The following LGSN variants were observed in gnomAD, a reference collection of about 807,000 sequenced individuals.
LGSN encodes the protein lengsin.
Under a neutral mutation model 19.5 loss-of-function variants are expected in LGSN, and 21 were observed. The ratio of observed to expected loss-of-function variants is 1.07; its 90% confidence interval spans 0.76 to 1.55. The LOEUF (loss-of-function observed/expected upper bound fraction) is 1.55. LGSN is among the 40% of genes most tolerant of loss of function. LGSN has a pLI of 0.00. For missense variants in LGSN, 673 were observed against 608.5 expected, an observed-to-expected ratio of 1.11 and a Z score of -1.12; for synonymous variants, 257 against 215.6, an observed-to-expected ratio of 1.19 and a Z score of -1.68.
the LGSN span, among the ~76,000 whole-genome samples, chr6:63,561,160 GA>G: frequency 6.6e-6 from 1 of 152,182 alleles, no homozygotes; most frequent in Non-Finnish European, 1.5e-5. Flanking sequence ...CAGCCTAACA[GA>G]GTGATGGAAG....
chr6:63,463,452 A>G, the LGSN span, among the ~76,000 whole-genome samples: 2 of 152,198 alleles, frequency 1.3e-5, no homozygotes, highest in Non-Finnish European at 2.9e-5. Context: ...TAGGAATGCT[A>G]AAATATTCGT....
chr6:63,481,468 G>A, the LGSN span, among the ~76,000 whole-genome samples: 1 of 150,676 alleles, frequency 6.6e-6, no homozygotes, highest in African/African-American at 2.4e-5. Flanking sequence ...TCAGCCTCCC[G>A]AGTAGCTGGG....
the LGSN span, among the ~76,000 whole-genome samples, chr6:63,502,442 T>C: frequency 6.6e-6 from 1 of 152,110 alleles, no homozygotes; most frequent in East Asian, 1.9e-4. Context: ...ACATAATTTC[T>C]GTGAGAATGA....
the LGSN span, among the ~76,000 whole-genome samples, chr6:63,419,815 G>T: frequency 7.3e-6 from 1 of 137,640 alleles, no homozygotes; most frequent in African/African-American, 2.7e-5. Flanking sequence ...TTGAAACAGG[G>T]GGGCAGAGGT....
At chr6:63,370,006 AAAGAAG>A in the LGSN span, among the ~76,000 whole-genome samples, 8 of 151,932 alleles carry the variant, frequency 5.3e-5, no homozygotes, top group East Asian at 7.7e-4. Context: ...TGTATCCAAA[AAAGAAG>A]AAGAAGAAGA....
chr6:63,372,358 C>T, the LGSN span, among the ~76,000 whole-genome samples: 1 of 152,136 alleles, frequency 6.6e-6, no homozygotes. Context: ...GGGCTCTGTA[C>T]CCACAAAAAT....
At chr6:63,517,826 C>T in the LGSN span, among the ~76,000 whole-genome samples, 2 of 152,056 alleles carry the variant, frequency 1.3e-5, no homozygotes, top group Non-Finnish European at 2.9e-5. Context: ...ACTAGCGCAA[C>T]CCAATAGTTT....
the LGSN span, among the ~76,000 whole-genome samples, chr6:63,470,934 T>TTTA: frequency 1.9e-4 from 7 of 36,258 alleles, no homozygotes; most frequent in Non-Finnish European, 5.7e-4. Flanking sequence ...TCAGTCTTTC[T>TTTA]TTTTTTTTTT....
At chr6:63,346,416 C>T in the LGSN span, among the ~76,000 whole-genome samples, 1 of 152,128 alleles carries the variant, frequency 6.6e-6, no homozygotes. Flanking sequence ...AGCAACTGGA[C>T]TGCGGAACAC....
At chr6:63,293,851 T>A (rs1028750725) in intron 2 of LGSN, 1 of 452,316 alleles carries the variant, frequency 2.2e-6, no homozygotes, top group African/African-American at 2.0e-5. Flanking sequence ...TGGTTTCTGA[T>A]CCTCTCTGTA....
chr6:63,425,741 G>A, the LGSN span, among the ~76,000 whole-genome samples: 34 of 152,160 alleles, frequency 2.2e-4, no homozygotes, highest in African/African-American at 7.2e-4. Context: ...GGAGGCTGGG[G>A]CAGGAGGATT....
chr6:63,384,489 T>G, the LGSN span, among the ~76,000 whole-genome samples: 126 of 131,584 alleles, frequency 9.6e-4, 1 homozygote, highest in Middle Eastern at 3.7e-3. Flanking sequence ...AAATAACACC[T>G]TGTGTGTGTG....
the LGSN span, among the ~76,000 whole-genome samples, chr6:63,520,172 C>CT: frequency 6.6e-6 from 1 of 152,190 alleles, no homozygotes; most frequent in Non-Finnish European, 1.5e-5. Context: ...TGTATGCATC[C>CT]TTTTTTTAAC....
At chr6:63,325,655 C>A in the LGSN span, among the ~76,000 whole-genome samples, 1 of 152,062 alleles carries the variant, frequency 6.6e-6, no homozygotes, top group Non-Finnish European at 1.5e-5. Flanking sequence ...AGCCGCAGAC[C>A]CTCACGGTGA....
the LGSN span, among the ~76,000 whole-genome samples, chr6:63,413,711 T>C: frequency 2.0e-5 from 3 of 152,170 alleles, no homozygotes; most frequent in South Asian, 6.2e-4. Context: ...TTACAAATAA[T>C]TGAGTTACTT....
At chr6:63,472,667 G>A in the LGSN span, among the ~76,000 whole-genome samples, 39 of 152,278 alleles carry the variant, frequency 2.6e-4, no homozygotes, top group African/African-American at 9.1e-4. Context: ...CGGGCCGGGC[G>A]CGGTGGCTCA....
At chr6:63,439,146 T>A in the LGSN span, among the ~76,000 whole-genome samples, 1 of 151,972 alleles carries the variant, frequency 6.6e-6, no homozygotes, top group Non-Finnish European at 1.5e-5. Context: ...TAGGTGGGAA[T>A]TGAACAATGA....
the LGSN span, among the ~76,000 whole-genome samples, chr6:63,506,485 G>A: frequency 5.3e-5 from 8 of 151,878 alleles, no homozygotes; most frequent in Middle Eastern, 3.4e-3. Context: ...GGCTGGTCTC[G>A]AACTCCTGAC....
At chr6:63,366,356 A>G in the LGSN span, among the ~76,000 whole-genome samples, 2 of 152,220 alleles carry the variant, frequency 1.3e-5, no homozygotes, top group South Asian at 4.1e-4. Context: ...CAAAGAGAAT[A>G]AAATACCTAG....
Sources: gnomAD v4.1 joint callset for allele counts (sites outside exome capture counted in the v4.1 genomes callset) on GRCh38, gnomAD v4.1.1 for gene constraint, MANE v1.5 for transcripts, NCBI Gene and HGNC (gene_info 2026-07-23, HGNC 2026-07-21) for gene names.